The following PDZRN4 variants were observed in gnomAD, a reference collection of about 807,000 sequenced individuals.
The protein encoded by PDZRN4 is PDZ domain-containing RING finger protein 4.
A neutral mutation model predicts 99.0 loss-of-function variants in PDZRN4; 70 were observed. The ratio of observed to expected loss-of-function variants is 0.71; its 90% CI spans 0.58 to 0.86. The LOEUF (loss-of-function observed/expected upper bound fraction) is 0.86. PDZRN4 is among the 40% of genes least tolerant of loss of function. The pLI, the probability that PDZRN4 is intolerant of heterozygous loss-of-function variation, is 0.00. For synonymous variants in PDZRN4, 551 were observed against 501.6 expected (o/e 1.10, Z -1.32); for missense variants, 1,474 against 1,331.2 (o/e 1.11, Z -1.67).
At chr12:41,323,699 A>G (rs1305831391) in intron 3 of PDZRN4, among the ~76,000 whole-genome samples, 6 of 152,018 alleles carry the variant, frequency 3.9e-5, no homozygotes, top group African/African-American at 1.2e-4. Context: ...AACAAATGCT[A>G]TAATTTGAAC....
intron 3 of PDZRN4, among the ~76,000 whole-genome samples, chr12:41,205,242 C>A (rs1015682527): frequency 6.6e-6 from 1 of 151,858 alleles, no homozygotes; most frequent in Non-Finnish European, 1.5e-5. Context: ...ACAAACTGTT[C>A]GTGACCTAGC....
chr12:41,539,718 T>C (rs1245383446), intron 5 of PDZRN4, among the ~76,000 whole-genome samples: 2 of 152,210 alleles, frequency 1.3e-5, no homozygotes, highest in Non-Finnish European at 2.9e-5. Flanking sequence ...CTTCCTTTTA[T>C]GTTTTCTTAA....
At position 41,188,394 on chromosome 12, in the gene PDZRN4, G is replaced by T; in HGVS notation, c.-62G>T. 3 of 1,431,322 alleles carry T rather than the reference G, an allele frequency of 2.1e-6. No homozygotes were observed. In the East Asian group the frequency reaches 8.0e-5, roughly 38 times the overall value. The allele number at this position is 1,431,322 out of a possible 1,614,324, so 88.7% of individuals were successfully genotyped here. On this transcript the variant is annotated 5_prime_UTR_variant, in exon 1 of 10. The change creates a new upstream start codon in the 5' untranslated region. Coordinates refer to ENST00000402685, the MANE Select transcript of PDZRN4 (RefSeq NM_001164595.2). ...GCTGCCCCGGGGGTGGCCCGGGGAA[G>T]GCAGGGGGGCTCGGAGAAGACGGAC...
At chr12:41,393,891 G>A (rs1017214884) in intron 3 of PDZRN4, among the ~76,000 whole-genome samples, 1 of 152,280 alleles carries the variant, frequency 6.6e-6, no homozygotes. Context: ...CTGGTTGTTA[G>A]GTAGGCAGGT....
intron 3 of PDZRN4, among the ~76,000 whole-genome samples, chr12:41,500,571 C>A (rs935219508): frequency 6.6e-6 from 1 of 152,092 alleles, no homozygotes; most frequent in East Asian, 1.9e-4. Context: ...TTGTTTTGTT[C>A]ATTGATAACC....
intron 3 of PDZRN4, among the ~76,000 whole-genome samples, chr12:41,254,814 A>G (rs1435859923): frequency 1.3e-5 from 2 of 152,246 alleles, no homozygotes; most frequent in Non-Finnish European, 2.9e-5. Flanking sequence ...TGCTCTGGCC[A>G]GGCACAGTAG....
At chr12:41,324,116 A>G (rs1027213541) in intron 3 of PDZRN4, among the ~76,000 whole-genome samples, 2 of 152,114 alleles carry the variant, frequency 1.3e-5, no homozygotes, top group African/African-American at 4.8e-5. Context: ...GCTGTGATTC[A>G]TTATGATATG....
At chr12:41,399,906 G>T (rs535929685) in intron 3 of PDZRN4, among the ~76,000 whole-genome samples, 1 of 151,952 alleles carries the variant, frequency 6.6e-6, no homozygotes, top group African/African-American at 2.4e-5. Flanking sequence ...CTCTTGGCCT[G>T]ATAAAGGAGG....
intron 3 of PDZRN4, among the ~76,000 whole-genome samples, chr12:41,272,707 A>T (rs1951322635): frequency 6.6e-6 from 1 of 152,152 alleles, no homozygotes; most frequent in African/African-American, 2.4e-5. Context: ...CTTTATCGGC[A>T]GTTCAAAAGT....
intron 5 of PDZRN4, among the ~76,000 whole-genome samples, chr12:41,528,644 C>T (rs1240697942): frequency 6.6e-6 from 1 of 152,166 alleles, no homozygotes; most frequent in Non-Finnish European, 1.5e-5. Flanking sequence ...TAGCTCCAGA[C>T]CATCCTGCCT....
intron 3 of PDZRN4, among the ~76,000 whole-genome samples, chr12:41,359,221 T>C (rs1410402485): frequency 6.6e-6 from 1 of 151,960 alleles, no homozygotes; most frequent in East Asian, 1.9e-4. Flanking sequence ...ATTAATTGTA[T>C]TATGGTTGAG....
chr12:41,444,937 TA>T (rs1952711595), intron 3 of PDZRN4, among the ~76,000 whole-genome samples: 1 of 152,024 alleles, frequency 6.6e-6, no homozygotes, highest in Non-Finnish European at 1.5e-5. Flanking sequence ...AGACCTTTTA[TA>T]AAAATAAATA....
intron 3 of PDZRN4, among the ~76,000 whole-genome samples, chr12:41,417,690 A>G (rs1952456144): frequency 6.6e-6 from 1 of 152,202 alleles, no homozygotes. Flanking sequence ...AAGAAGAGAA[A>G]AGCTCACAGA....
At chr12:41,224,965 C>T (rs1422136858) in intron 3 of PDZRN4, among the ~76,000 whole-genome samples, 5 of 151,968 alleles carry the variant, frequency 3.3e-5, no homozygotes, top group African/African-American at 9.7e-5. Flanking sequence ...TTTTCTTAAG[C>T]ATAAATCATA....
chr12:41,486,074 T>C (rs1224701959), intron 3 of PDZRN4, among the ~76,000 whole-genome samples: 1 of 152,170 alleles, frequency 6.6e-6, no homozygotes, highest in Non-Finnish European at 1.5e-5. Flanking sequence ...CATGGACCTA[T>C]GTTATAGCAT....
intron 3 of PDZRN4, among the ~76,000 whole-genome samples, chr12:41,244,489 G>T (rs1052454079): frequency 6.6e-6 from 1 of 151,962 alleles, no homozygotes; most frequent in African/African-American, 2.4e-5. Flanking sequence ...TGTTCTACAT[G>T]ATCTGCTCCA....
intron 5 of PDZRN4, among the ~76,000 whole-genome samples, chr12:41,532,244 C>T (rs973961130): frequency 5.9e-5 from 9 of 151,988 alleles, no homozygotes; most frequent in African/African-American, 1.9e-4. Flanking sequence ...TGTATGAGTC[C>T]GTTTCTGGTC....
At chr12:41,571,370 T>TCA (rs1277190258) in intron 9 of PDZRN4, among the ~76,000 whole-genome samples, 2 of 94,076 alleles carry the variant, frequency 2.1e-5, no homozygotes, top group African/African-American at 1.3e-4. Context: ...TCTCTCTCTC[T>TCA]CTCTCTCACA....
chr12:41,210,163 T>A (rs1950878736), intron 3 of PDZRN4, among the ~76,000 whole-genome samples: 1 of 149,494 alleles, frequency 6.7e-6, no homozygotes, highest in Admixed American at 6.8e-5. Flanking sequence ...AAGTGTCTGT[T>A]CATATCCTTC....
Sources: gnomAD v4.1 joint callset for allele counts (sites outside exome capture counted in the v4.1 genomes callset) on GRCh38, gnomAD v4.1.1 for gene constraint, MANE v1.5 for transcripts, NCBI Gene and HGNC (gene_info 2026-07-23, HGNC 2026-07-21) for gene names.